Variants in COG7 observed in about 807,000 individuals in gnomAD.
COG7 encodes the protein conserved oligomeric Golgi complex subunit 7.
A neutral mutation model predicts 91.5 loss-of-function variants in COG7; 49 were observed. The observed-to-expected ratio is 0.54, with a 90% CI of 0.43 to 0.68. The LOEUF is 0.68. COG7 is among the 30% of genes least tolerant of loss of function. The pLI, the probability that COG7 is intolerant of heterozygous loss-of-function variation, is 0.00. For synonymous variants in COG7, 365 were observed against 388.7 expected, an observed-to-expected ratio of 0.94 and a Z score of 0.72; for missense variants, 895 against 961.3, an observed-to-expected ratio of 0.93 and a Z score of 0.91.
chr16:23,439,585 C>T lies in COG7; in HGVS notation c.604+2892G>A, dbSNP rs145096466. Among the ~76,000 whole-genome samples the T allele has an allele frequency of 9.9e-4, 151 of 152,204 alleles. 1 individual carries two copies. Among genetic ancestry groups the T allele is most frequent in the Admixed American group, 2.4e-3 (36 of 15,272 alleles). ...CCATGGATGAGCTTTGAAGATGTTACGCTAAGCCATAAAAGGAAAAATACT... is the reference window on the plus strand; with the variant it reads ...CCATGGATGAGCTTTGAAGATGTTATGCTAAGCCATAAAAGGAAAAATACT... On this transcript the variant is annotated intron_variant, in intron 4 of 16. Transcript: ENST00000307149.
chr16:23,422,843 G>T (rs2142079791), intron 7 of COG7, among the ~76,000 whole-genome samples: 1 of 152,070 alleles, frequency 6.6e-6, no homozygotes, highest in East Asian at 1.9e-4. Flanking sequence ...AGGAGTTTGA[G>T]ACCAGCCTGG....
At chr16:23,446,421 G>GC (rs1484419956) in intron 1 of COG7, 1 of 169,222 alleles carries the variant, frequency 5.9e-6, no homozygotes, top group African/African-American at 2.4e-5. Context: ...GATAGGTCTG[G>GC]CCCCAATGCC....
At chr16:23,406,284 T>G in intron 11 of COG7, 22 bp from the exon 12 acceptor site, 1 of 1,601,992 alleles carries the variant, frequency 6.2e-7, no homozygotes. Context: ...GGAATGACCA[T>G]TATGCCCTGA....
At chr16:23,404,898 C>T (rs1417144907) in intron 12 of COG7, among the ~76,000 whole-genome samples, 3 of 152,124 alleles carry the variant, frequency 2.0e-5, no homozygotes, top group African/African-American at 4.8e-5. Context: ...CCAGCCTAGG[C>T]GACAGAGTGA....
intron 7 of COG7, among the ~76,000 whole-genome samples, chr16:23,419,610 G>A (rs916012911): frequency 6.8e-6 from 1 of 147,940 alleles, no homozygotes; most frequent in African/African-American, 2.5e-5. Flanking sequence ...TTAGCCGGGC[G>A]TAGTGGCGGG....
At chr16:23,439,081 C>G (rs71379815) in intron 4 of COG7, among the ~76,000 whole-genome samples, 1 of 148,818 alleles carries the variant, frequency 6.7e-6, no homozygotes, top group East Asian at 2.0e-4. Context: ...TCGCTTCAAT[C>G]TGGGTGGCAG....
At chr16:23,447,650 C>T (rs1164945266) in intron 1 of COG7, among the ~76,000 whole-genome samples, 1 of 151,800 alleles carries the variant, frequency 6.6e-6, no homozygotes, top group Admixed American at 6.6e-5. Context: ...GCCTGTAATC[C>T]CAGCACTTTG....
At position 23,445,924 on chromosome 16, in the gene COG7, C is replaced by T. The variant is rs775260291; in HGVS notation, c.207G>A (p.Val69=). 3 of 1,611,128 alleles carry T rather than the reference C, an allele frequency of 1.9e-6. No individual in the cohort carries two copies. The highest frequency in any genetic ancestry group is 2.5e-6 in the Non-Finnish European group (3 of 1,179,220). The change falls in exon 2 of 17, where the codon GTG becomes GTA. Residue 69 remains valine, a synonymous_variant. Coordinates refer to ENST00000307149, the MANE Select transcript of COG7 (RefSeq NM_153603.4). ...SHQALQNMPK[V]LRDVEALKQE... ...GTTTTAGGGCTTCAACATCACGGAGCACTTTGGGCATGTTCTGGAGAGCTT... is the reference window on the plus strand; with the variant it reads ...GTTTTAGGGCTTCAACATCACGGAGTACTTTGGGCATGTTCTGGAGAGCTT...
intron 4 of COG7, among the ~76,000 whole-genome samples, chr16:23,440,066 T>C (rs367665215): frequency 8.7e-5 from 11 of 126,724 alleles, no homozygotes; most frequent in African/African-American, 3.4e-4. Context: ...CTGAGCAATA[T>C]AGCAAGACCC....
In COG7 at chr16:23,445,257, T is replaced by C. The variant is rs540719; in HGVS notation, c.319-93A>G. On this transcript the variant is annotated intron_variant, in intron 2 of 16. Coordinates refer to ENST00000307149, the MANE Select transcript of COG7 (RefSeq NM_153603.4). ...TGAAATGTAAGTATGGTGGCTTGCT[T>C]CTGTCTTTAGGGAGCTTCTGTCTCC... is the stretch of plus-strand genomic sequence containing the variant. The C allele has an allele frequency of 0.24, 215,653 of 893,154 alleles. 29,228 individuals are homozygous for C. Among genetic ancestry groups the C allele is most frequent in the African/African-American group, 0.47 (28,526 of 60,866 alleles). 55.3% of individuals were successfully genotyped at this position (893,154 alleles called of 1,614,324 possible). A position where few individuals can be genotyped will look rare whatever the true frequency, so the allele number is the denominator to read the frequency against.
intron 1 of COG7, among the ~76,000 whole-genome samples, chr16:23,452,405 A>T (rs941626866): frequency 6.6e-6 from 1 of 150,784 alleles, no homozygotes; most frequent in East Asian, 1.9e-4. Flanking sequence ...CATCTCTACA[A>T]TTTTTTTTTT....
At chr16:23,452,648 C>A in intron 1 of COG7, 178 bp downstream of exon 1, 1 of 1,407,320 alleles carries the variant, frequency 7.1e-7, no homozygotes, top group Non-Finnish European at 9.3e-7. Context: ...TTCAAGACAG[C>A]CCGGCACCCA....
At chr16:23,444,056 A>T (rs1210692040) in intron 3 of COG7, among the ~76,000 whole-genome samples, 1 of 151,586 alleles carries the variant, frequency 6.6e-6, no homozygotes, top group Non-Finnish European at 1.5e-5. Context: ...GGAGGCTGAG[A>T]CAGGATAATC....
chr16:23,411,787 G>C (rs1242715274), intron 10 of COG7, among the ~76,000 whole-genome samples: 2 of 152,002 alleles, frequency 1.3e-5, no homozygotes, highest in Non-Finnish European at 2.9e-5. Flanking sequence ...GGTAAGACAT[G>C]AAAGTGGGTG....
rs376425866 is a variant in COG7, at chr16:23,442,638, G to C, written c.443C>G (p.Ala148Gly). The C allele has an allele frequency of 6.2e-7, 1 of 1,613,178 alleles. No individual in the cohort carries two copies. The highest frequency in any genetic ancestry group is 8.5e-7 in the Non-Finnish European group (1 of 1,179,134). Residue 148 changes from alanine (A) to glycine (G), a missense_variant, in exon 4 of 17, where the codon GCT (alanine) becomes GGT (glycine). Physicochemically the swap from Ala to Gly is moderately conservative, Grantham distance 60. Transcript: ENST00000307149. ...ACCTGTTAGCTTGGCAGAAATCACAGCTATGTCCTAGAAAAGACCAGAATA... is the reference window on the plus strand; with the variant it reads ...ACCTGTTAGCTTGGCAGAAATCACACCTATGTCCTAGAAAAGACCAGAATA... ...IEETFKTQDI[A>G]VISAKLTGMQ...
At chr16:23,398,532 G>T (rs554042786) in intron 13 of COG7, among the ~76,000 whole-genome samples, 2 of 152,148 alleles carry the variant, frequency 1.3e-5, no homozygotes, top group African/African-American at 4.8e-5. Context: ...TCACTACTTC[G>T]TGGGTCCTTA....
chr16:23,401,677 C>T (rs988853623), intron 13 of COG7, among the ~76,000 whole-genome samples: 1 of 152,066 alleles, frequency 6.6e-6, no homozygotes, highest in Non-Finnish European at 1.5e-5. Context: ...AAAGCAATGG[C>T]AACTCCAATC....
intron 13 of COG7, among the ~76,000 whole-genome samples, chr16:23,400,415 G>C (rs1312198687): frequency 6.6e-6 from 1 of 152,176 alleles, no homozygotes; most frequent in African/African-American, 2.4e-5. Context: ...ATGGTGACAG[G>C]CTGGGAAGCA....
chr16:23,433,465 G>C (rs1218334792), intron 6 of COG7, 80 bp downstream of exon 6: 1 of 1,560,322 alleles, frequency 6.4e-7, no homozygotes, highest in African/African-American at 1.4e-5. Context: ...CTGCAGTTGA[G>C]GGTGGCCACT....
Sources: gnomAD v4.1 joint callset for allele counts (sites outside exome capture counted in the v4.1 genomes callset) on GRCh38, gnomAD v4.1.1 for gene constraint, MANE v1.5 for transcripts, NCBI Gene and HGNC (gene_info 2026-07-23, HGNC 2026-07-21) for gene names.